Variants in NKAIN3 observed in about 807,000 individuals in gnomAD.
The protein encoded by NKAIN3 is sodium/potassium-transporting ATPase subunit beta-1-interacting protein 3.
In NKAIN3, 25 loss-of-function variants were observed where a neutral mutation model predicts 30.2. The observed-to-expected ratio is 0.83, with a 90% CI of 0.60 to 1.16. The LOEUF is 1.16. Among genes scored for constraint, NKAIN3 ranks in the 50% most tolerant of loss-of-function variants. NKAIN3 has a pLI of 0.00. For synonymous variants in NKAIN3, 91 were observed against 89.6 expected, an observed-to-expected ratio of 1.02 and a Z score of -0.09; for missense variants, 225 against 254.1, an observed-to-expected ratio of 0.89 and a Z score of 0.78.
intron 4 of NKAIN3, among the ~76,000 whole-genome samples, chr8:62,815,701 G>A (rs1264478997): frequency 3.3e-5 from 5 of 152,078 alleles, no homozygotes; most frequent in Non-Finnish European, 7.4e-5. Context: ...AATAAATTAG[G>A]TATTGATGGG....
intron 1 of NKAIN3, among the ~76,000 whole-genome samples, chr8:62,531,737 G>C (rs1179870957): frequency 6.6e-6 from 1 of 152,190 alleles, no homozygotes; most frequent in Non-Finnish European, 1.5e-5. Flanking sequence ...ATGACCCAGA[G>C]ATGGTCTGAA....
chr8:62,920,667 G>A (rs1251672813), intron 5 of NKAIN3, among the ~76,000 whole-genome samples: 1 of 152,174 alleles, frequency 6.6e-6, no homozygotes, highest in African/African-American at 2.4e-5. Context: ...TGGGATTGAA[G>A]CAGCTGCTAG....
At chr8:62,721,092 T>C (rs1815073989) in intron 3 of NKAIN3, among the ~76,000 whole-genome samples, 1 of 152,208 alleles carries the variant, frequency 6.6e-6, no homozygotes, top group Non-Finnish European at 1.5e-5. Flanking sequence ...CACATGCTAC[T>C]CTATTCATTA....
intron 3 of NKAIN3, among the ~76,000 whole-genome samples, chr8:62,615,763 G>A (rs1177553918): frequency 1.3e-5 from 2 of 152,122 alleles, no homozygotes; most frequent in Non-Finnish European, 1.5e-5. Context: ...ACAGCACTGA[G>A]TTCAGTGACA....
At chr8:62,897,767 T>C (rs1821478059) in intron 4 of NKAIN3, among the ~76,000 whole-genome samples, 1 of 152,244 alleles carries the variant, frequency 6.6e-6, no homozygotes, top group Non-Finnish European at 1.5e-5. Flanking sequence ...CTCATGGTAA[T>C]GGATTAGTTT....
At chr8:62,519,836 G>A (rs1261898189) in intron 1 of NKAIN3, among the ~76,000 whole-genome samples, 2 of 152,128 alleles carry the variant, frequency 1.3e-5, no homozygotes, top group Non-Finnish European at 2.9e-5. Flanking sequence ...TAGCCTTAGA[G>A]TACAAGACTC....
chr8:62,383,107 A>T (rs926624557), intron 1 of NKAIN3, among the ~76,000 whole-genome samples: 37 of 152,106 alleles, frequency 2.4e-4, no homozygotes, highest in African/African-American at 8.7e-4. Context: ...CACTTCGATG[A>T]CTTTGATATT....
At chr8:62,896,632 AT>A (rs1279721029) in intron 4 of NKAIN3, among the ~76,000 whole-genome samples, 2 of 152,150 alleles carry the variant, frequency 1.3e-5, no homozygotes, top group Non-Finnish European at 2.9e-5. Flanking sequence ...TTGTCCCACC[AT>A]TTTTTAAGTC....
intron 1 of NKAIN3, among the ~76,000 whole-genome samples, chr8:62,283,171 T>C (rs1177842380): frequency 2.0e-5 from 3 of 152,222 alleles, no homozygotes; most frequent in African/African-American, 7.2e-5. Flanking sequence ...TCAAACTTTC[T>C]AATCAGAAAC....
At chr8:62,421,127 C>G (rs1331357111) in intron 1 of NKAIN3, among the ~76,000 whole-genome samples, 2 of 152,116 alleles carry the variant, frequency 1.3e-5, no homozygotes, top group Non-Finnish European at 2.9e-5. Context: ...GAAGGTCAGT[C>G]CTTACCATGA....
rs58784999 is a variant in NKAIN3, at chr8:62,364,828, C to CAAA, written c.54+115722_54+115724dup. Among the ~76,000 whole-genome samples the CAAA allele has an allele frequency of 2.6e-3, 168 of 63,746 alleles. 16 individuals carry two copies. The highest frequency in any genetic ancestry group is 6.2e-3 in the South Asian group (7 of 1,126). 41.8% of individuals were successfully genotyped at this position (63,746 alleles called of 152,430 possible). ...TGTGTGACAGAGCGAGACTCCACTA[C>CAAA]AAAAAAAAAAAAAAAAAAAAAAATC... is the stretch of plus-strand genomic sequence containing the variant. On this transcript the variant is annotated intron_variant, in intron 1 of 6. Coordinates refer to ENST00000623646, the MANE Select transcript of NKAIN3 (RefSeq NM_001304533.3).
intron 4 of NKAIN3, among the ~76,000 whole-genome samples, chr8:62,769,982 C>T (rs145091829): frequency 2.0e-5 from 3 of 152,312 alleles, no homozygotes; most frequent in East Asian, 3.9e-4. Flanking sequence ...GCATAATCCT[C>T]TCCTCTTGAG....
chr8:62,388,377 T>A (rs1022314248), intron 1 of NKAIN3, among the ~76,000 whole-genome samples: 1 of 152,250 alleles, frequency 6.6e-6, no homozygotes, highest in Non-Finnish European at 1.5e-5. Flanking sequence ...AGTTGAAGAT[T>A]ATATTTGAAG....
At position 62,676,452 on chromosome 8, in the gene NKAIN3, C is replaced by A. The variant is rs373969043; in HGVS notation, c.274-70480C>A. ...GGTATGGTGGTGGGTGCCTGTAGTC[C>A]CAGCTACTCGGCAGGCTGAGGCAGT... is the stretch of plus-strand genomic sequence containing the variant. On this transcript the variant is annotated intron_variant, in intron 3 of 6. Transcript: ENST00000623646. Among the ~76,000 whole-genome samples, 381 of 152,260 alleles carry A rather than the reference C, an allele frequency of 2.5e-3. 2 individuals are homozygous for A. The highest frequency in any genetic ancestry group is 8.8e-3 in the African/African-American group (364 of 41,578).
chr8:62,842,710 C>T (rs1819569627), intron 4 of NKAIN3, among the ~76,000 whole-genome samples: 1 of 152,056 alleles, frequency 6.6e-6, no homozygotes, highest in South Asian at 2.1e-4. Flanking sequence ...AAACTCATGC[C>T]TTCATGGTCA....
chr8:62,851,668 C>G (rs1214307548), intron 4 of NKAIN3, among the ~76,000 whole-genome samples: 1 of 151,942 alleles, frequency 6.6e-6, no homozygotes, highest in Non-Finnish European at 1.5e-5. Flanking sequence ...TAGCATGAAG[C>G]ATTGTTGAAT....
chr8:62,604,028 G>T (rs1351367), intron 3 of NKAIN3, among the ~76,000 whole-genome samples: 2 of 151,856 alleles, frequency 1.3e-5, no homozygotes, highest in African/African-American at 4.8e-5. Context: ...AGTGTCTGCC[G>T]CACAGCAGGG....
At chr8:62,583,951 T>A (rs760130927) in intron 2 of NKAIN3, among the ~76,000 whole-genome samples, 10 of 152,332 alleles carry the variant, frequency 6.6e-5, no homozygotes, top group East Asian at 3.9e-4. Context: ...AGGTTTTTTT[T>A]AATTCATTCT....
intron 4 of NKAIN3, among the ~76,000 whole-genome samples, chr8:62,752,916 A>T (rs1816332573): frequency 6.6e-6 from 1 of 152,176 alleles, no homozygotes; most frequent in Admixed American, 6.6e-5. Context: ...TCTGATGCAG[A>T]CGCAATTTGT....
Sources: allele counts gnomAD v4.1 joint callset (sites outside exome capture counted in the v4.1 genomes callset), GRCh38; gene constraint gnomAD v4.1.1; transcripts MANE v1.5; gene names NCBI Gene and HGNC (gene_info 2026-07-23, HGNC 2026-07-21).